Variants in HOOK3 observed in about 807,000 individuals in gnomAD.
HOOK3 encodes protein Hook homolog 3.
A neutral mutation model predicts 116.3 loss-of-function variants in HOOK3; 24 were observed. The ratio of observed to expected loss-of-function variants is 0.21; its 90% CI spans 0.15 to 0.29. The LOEUF (loss-of-function observed/expected upper bound fraction) is 0.29. Ranked by LOEUF, HOOK3 falls within the 10% of genes least tolerant of loss-of-function variation. HOOK3 has a pLI of 1.00. For synonymous variants in HOOK3, 275 were observed against 283.0 expected (o/e 0.97, Z 0.28); for missense variants, 632 against 830.2 (o/e 0.76, Z 2.93).
chr8:43,013,185 T>C (rs1809645380), intron 20 of HOOK3, 30 bp downstream of exon 20: 3 of 1,505,628 alleles, frequency 2.0e-6, no homozygotes, highest in African/African-American at 2.8e-5. Flanking sequence ...AATAAAATAA[T>C]TGTGTTTTGA....
chr8:42,992,777 C>T (rs1263947127), intron 15 of HOOK3, among the ~76,000 whole-genome samples: 2 of 150,480 alleles, frequency 1.3e-5, no homozygotes. Context: ...TTGACTTCTT[C>T]CTTTCTAATT....
intron 18 of HOOK3, among the ~76,000 whole-genome samples, chr8:43,009,813 C>T (rs1439495115): frequency 1.3e-5 from 2 of 152,078 alleles, no homozygotes; most frequent in Non-Finnish European, 2.9e-5. Flanking sequence ...TAAACAATAA[C>T]TCTCCCTTCC....
chr8:42,903,857 G>A (rs1318213244), intron 1 of HOOK3, among the ~76,000 whole-genome samples: 1 of 151,878 alleles, frequency 6.6e-6, no homozygotes, highest in African/African-American at 2.4e-5. Flanking sequence ...TCGGGGGGCT[G>A]AGGCAGGAGA....
chr8:43,002,560 AGTAAAACTTTATAGAT>A, intron 17 of HOOK3, among the ~76,000 whole-genome samples: 1 of 152,364 alleles, frequency 6.6e-6, no homozygotes, highest in East Asian at 1.9e-4. Context: ...ACCATGTTGT[AGTAAAACTTTATAGAT>A]ACGAACAGGC....
Position 43,018,555 on chromosome 8 carries a change from A to G in HOOK3, c.*57A>G. 1.4e-6 allele frequency: 2 copies of G among 1,452,074 alleles called. No homozygotes were observed. Among genetic ancestry groups the G allele is most frequent in the Non-Finnish European group, 1.8e-6 (2 of 1,094,348 alleles). 89.9% of individuals were successfully genotyped at this position (1,452,074 alleles called of 1,614,324 possible). ...CACCCACAACATACTTCTGTTACAC[A>G]CAAGAACATTTCAGGAAACTCAGCC... On this transcript the variant is annotated 3_prime_UTR_variant, in exon 22 of 22. Transcript: ENST00000307602.
In HOOK3 at chr8:43,021,140, G is replaced by A. The variant is rs1586638238; in HGVS notation, c.*2642G>A. 1 of 154,248 alleles carries A rather than the reference G, an allele frequency of 6.5e-6. No homozygotes were observed. Among genetic ancestry groups the A allele is most frequent in the Non-Finnish European group, 1.3e-5 (1 of 74,490 alleles). 9.6% of individuals were successfully genotyped at this position (154,248 alleles called of 1,614,324 possible). On this transcript the variant is annotated 3_prime_UTR_variant, in exon 22 of 22. Coordinates refer to ENST00000307602, the MANE Select transcript of HOOK3 (RefSeq NM_032410.4). Reference sequence around the variant, plus strand: ...AAAAAAAAAAAAAAAAAAACAGTCTGTGAACTACTCACTGAATGAATTTTG... The same window carrying A: ...AAAAAAAAAAAAAAAAAAACAGTCTATGAACTACTCACTGAATGAATTTTG...
chr8:42,942,768 T>C (rs1808151906), intron 4 of HOOK3, among the ~76,000 whole-genome samples: 1 of 152,222 alleles, frequency 6.6e-6, no homozygotes, highest in African/African-American at 2.4e-5. Flanking sequence ...TTTTGAGTGG[T>C]ACATTTCACT....
At chr8:42,967,202 C>G (rs537279724) in intron 10 of HOOK3, among the ~76,000 whole-genome samples, 2 of 152,236 alleles carry the variant, frequency 1.3e-5, no homozygotes, top group African/African-American at 4.8e-5. Flanking sequence ...ATGGCCCGCC[C>G]TCCCCTTGCT....
intron 1 of HOOK3, among the ~76,000 whole-genome samples, chr8:42,899,695 C>T (rs1375645988): frequency 1.3e-5 from 2 of 152,160 alleles, no homozygotes; most frequent in Non-Finnish European, 1.5e-5. Context: ...AGCTTCTAGT[C>T]AGTTTGGTTG....
intron 8 of HOOK3, among the ~76,000 whole-genome samples, 179 bp downstream of exon 8, chr8:42,959,493 C>T (rs13279051): frequency 8.6e-5 from 13 of 151,840 alleles, no homozygotes; most frequent in African/African-American, 2.7e-4. Context: ...CTGAGGGTGG[C>T]GGGTCACTTG....
chr8:42,976,274 G>A lies in HOOK3; in HGVS notation c.1321+2080G>A, dbSNP rs544583632. Reference sequence around the variant, plus strand: ...GTAATCTAACCCTTGGGGAGGCTGAGGTGGACAGAGGGCTTGAGTTCACAA... The same window carrying A: ...GTAATCTAACCCTTGGGGAGGCTGAAGTGGACAGAGGGCTTGAGTTCACAA... On this transcript the variant is annotated intron_variant, in intron 13 of 21. Transcript: ENST00000307602. 2.0e-5 allele frequency among the ~76,000 whole-genome samples: 3 copies of A among 152,080 alleles called. No homozygotes were observed. The East Asian group carries it at 5.8e-4, about 29-fold the overall frequency.
At chr8:42,940,487 G>A (rs929554359) in intron 4 of HOOK3, among the ~76,000 whole-genome samples, 3 of 152,020 alleles carry the variant, frequency 2.0e-5, no homozygotes, top group African/African-American at 7.3e-5. Context: ...AGAGGGAGAG[G>A]GAGACCGTGG....
At chr8:43,001,012 C>G (rs1809369209) in intron 16 of HOOK3, 1 of 152,046 alleles carries the variant, frequency 6.6e-6, no homozygotes, top group Non-Finnish European at 1.5e-5. Context: ...CACCTGTAAT[C>G]CCAGCACTTT....
chr8:42,944,691 C>T (rs1243923927), intron 5 of HOOK3, among the ~76,000 whole-genome samples: 8 of 151,766 alleles, frequency 5.3e-5, no homozygotes, highest in African/African-American at 1.7e-4. Context: ...CGGTGGTGGG[C>T]GCCTGTAATC....
At chr8:42,906,079 TC>T (rs1807300682) in intron 1 of HOOK3, 93 bp from the exon 2 acceptor site, 1 of 835,446 alleles carries the variant, frequency 1.2e-6, no homozygotes, top group South Asian at 1.4e-5. Flanking sequence ...AGGGCTAGAC[TC>T]CGTCTCCAAA....
rs187309057 is a variant in HOOK3, at chr8:42,976,724, C to T, written c.1321+2530C>T. ...CATCCTGGCTAACACGGTGAAACCCCGTCTCTACTAAAAATACAAAAAATT... is the reference window on the plus strand; with the variant it reads ...CATCCTGGCTAACACGGTGAAACCCTGTCTCTACTAAAAATACAAAAAATT... On this transcript the variant is annotated intron_variant, in intron 13 of 21. Transcript: ENST00000307602. Among the ~76,000 whole-genome samples, 399 of 152,056 alleles carry T rather than the reference C, an allele frequency of 2.6e-3. 1 individual carries two copies. The highest frequency in any genetic ancestry group is 4.5e-3 in the Non-Finnish European group (304 of 67,982).
chr8:42,954,301 A>G (rs1240248716), intron 6 of HOOK3, among the ~76,000 whole-genome samples: 1 of 152,238 alleles, frequency 6.6e-6, no homozygotes, highest in Non-Finnish European at 1.5e-5. Context: ...TGGTATATCT[A>G]TAACCAGGAA....
At chr8:42,921,852 A>G (rs1807663143) in intron 2 of HOOK3, among the ~76,000 whole-genome samples, 1 of 152,162 alleles carries the variant, frequency 6.6e-6, no homozygotes, top group Non-Finnish European at 1.5e-5. Context: ...AATGGTGTAG[A>G]TGGATAGAAA....
In HOOK3 at chr8:42,931,440, T is replaced by C. The variant is rs570827804; in HGVS notation, c.267+1268T>C. Among the ~76,000 whole-genome samples the C allele has an allele frequency of 8.4e-4, 121 of 143,746 alleles. 1 individual carries two copies. In the South Asian group the frequency reaches 0.012, roughly 14 times the overall value. The allele number at this position is 143,746 out of a possible 152,430, so 94.3% of individuals were successfully genotyped here. On this transcript the variant is annotated intron_variant, in intron 4 of 21. Coordinates refer to ENST00000307602, the MANE Select transcript of HOOK3 (RefSeq NM_032410.4). ...CTTCTCTTCTCTTTTTTTTTTTTTT[T>C]TTTTTTTTTGAGACGGAGTCTCGCT...
Sources: allele counts gnomAD v4.1 joint callset (sites outside exome capture counted in the v4.1 genomes callset), GRCh38; gene constraint gnomAD v4.1.1; transcripts MANE v1.5; gene names NCBI Gene and HGNC (gene_info 2026-07-23, HGNC 2026-07-21).